RSRC1: variants seen among roughly 807,000 people sequenced by gnomAD.
RSRC1 encodes the protein arginine and serine rich coiled-coil 1, also known as serine/Arginine-related protein 53.
In RSRC1, 39 loss-of-function variants were observed where a neutral mutation model predicts 49.1. The observed-to-expected ratio is 0.79, with a 90% CI of 0.61 to 1.04. RSRC1 has a LOEUF of 1.04. RSRC1 is among the 50% of genes least tolerant of loss of function. The pLI, the probability that RSRC1 is intolerant of heterozygous loss-of-function variation, is 0.00. For missense variants in RSRC1, 388 were observed against 402.4 expected (o/e 0.96, Z 0.31); for synonymous variants, 143 against 130.8 (o/e 1.09, Z -0.63).
intron 6 of RSRC1, among the ~76,000 whole-genome samples, chr3:158,386,228 C>G (rs977661239): frequency 6.6e-6 from 1 of 151,778 alleles, no homozygotes; most frequent in Admixed American, 6.6e-5. Context: ...ATCATCTTTC[C>G]CTTTTAAGGT....
At chr3:158,316,326 G>A (rs1439179821) in intron 5 of RSRC1, among the ~76,000 whole-genome samples, 1 of 152,012 alleles carries the variant, frequency 6.6e-6, no homozygotes, top group African/African-American at 2.4e-5. Context: ...GAAAGAGTTA[G>A]TGTAGCTCTG....
At chr3:158,243,341 C>T (rs938845121) in intron 4 of RSRC1, among the ~76,000 whole-genome samples, 2 of 152,104 alleles carry the variant, frequency 1.3e-5, no homozygotes, top group Non-Finnish European at 2.9e-5. Flanking sequence ...TCAGGTTTGT[C>T]AGAGATCAGA....
chr3:158,380,044 T>A (rs1732618811), intron 6 of RSRC1, among the ~76,000 whole-genome samples: 2 of 152,154 alleles, frequency 1.3e-5, no homozygotes, highest in Admixed American at 6.5e-5. Context: ...CGTTTTCTGG[T>A]CAGATATATG....
intron 1 of RSRC1, among the ~76,000 whole-genome samples, chr3:158,119,620 G>A (rs1438116244): frequency 6.6e-6 from 1 of 151,668 alleles, no homozygotes; most frequent in African/African-American, 2.4e-5. Context: ...GTATATGTGT[G>A]TGTGTATAAT....
intron 4 of RSRC1, among the ~76,000 whole-genome samples, chr3:158,247,787 G>A (rs112248139): frequency 1.1e-3 from 166 of 152,172 alleles, no homozygotes; most frequent in Non-Finnish European, 1.8e-3. Flanking sequence ...ATCCTAGGGC[G>A]GCACTGACCT....
intron 7 of RSRC1, among the ~76,000 whole-genome samples, chr3:158,494,498 A>C (rs1267092584): frequency 1.3e-5 from 2 of 152,230 alleles, no homozygotes; most frequent in East Asian, 3.8e-4. Flanking sequence ...CTAAGTGTAT[A>C]GAAAGCATTT....
intron 4 of RSRC1, among the ~76,000 whole-genome samples, chr3:158,237,835 A>G (rs1451275859): frequency 2.0e-5 from 3 of 152,126 alleles, no homozygotes; most frequent in Non-Finnish European, 4.4e-5. Context: ...AGAACTTCCA[A>G]CACTATGTTG....
At chr3:158,531,921 A>G (rs1161093551) in intron 7 of RSRC1, among the ~76,000 whole-genome samples, 2 of 151,850 alleles carry the variant, frequency 1.3e-5, no homozygotes, top group Non-Finnish European at 2.9e-5. Flanking sequence ...CAGCTTTACC[A>G]TACAAACATA....
chr3:158,541,109 C>A (rs973981320), intron 8 of RSRC1, among the ~76,000 whole-genome samples: 5 of 152,296 alleles, frequency 3.3e-5, no homozygotes, highest in Non-Finnish European at 7.4e-5. Context: ...TCACTATACA[C>A]CAGCCCCTCT....
intron 7 of RSRC1, among the ~76,000 whole-genome samples, chr3:158,534,105 T>C (rs1476334571): frequency 6.6e-6 from 1 of 151,530 alleles, no homozygotes; most frequent in Non-Finnish European, 1.5e-5. Flanking sequence ...CTTGCAAGCA[T>C]TTCATTCTCA....
chr3:158,122,677 C>G (rs1168198380), intron 2 of RSRC1, among the ~76,000 whole-genome samples: 2 of 152,058 alleles, frequency 1.3e-5, no homozygotes, highest in Non-Finnish European at 2.9e-5. Flanking sequence ...TGTGCTGCAT[C>G]TGTTAACTCG....
chr3:158,529,102 C>A (rs1712223171), intron 7 of RSRC1, among the ~76,000 whole-genome samples: 1 of 150,700 alleles, frequency 6.6e-6, no homozygotes, highest in Admixed American at 6.6e-5. Context: ...TTAAAAATTT[C>A]AAATGTGAAA....
At chr3:158,543,900 T>C (rs1329408847) in intron 9 of RSRC1, among the ~76,000 whole-genome samples, 1 of 152,210 alleles carries the variant, frequency 6.6e-6, no homozygotes, top group African/African-American at 2.4e-5. Context: ...TGAAATGTTG[T>C]AATTCTGCTG....
chr3:158,278,564 T>C (rs1725949388), intron 4 of RSRC1, among the ~76,000 whole-genome samples: 1 of 152,218 alleles, frequency 6.6e-6, no homozygotes, highest in South Asian at 2.1e-4. Flanking sequence ...TGTGGACTCA[T>C]GAAAAACCAA....
chr3:158,507,388 A>C (rs1217886358), intron 7 of RSRC1, among the ~76,000 whole-genome samples: 1 of 152,176 alleles, frequency 6.6e-6, no homozygotes, highest in South Asian at 2.1e-4. Flanking sequence ...GAAGAATTCT[A>C]ATGTTCCCAA....
intron 4 of RSRC1, among the ~76,000 whole-genome samples, chr3:158,231,303 T>G (rs1221109913): frequency 6.6e-6 from 1 of 151,708 alleles, no homozygotes; most frequent in Non-Finnish European, 1.5e-5. Flanking sequence ...ACCCGTCTAA[T>G]TTTTGTATTT....
chr3:158,376,264 T>C (rs1732368501), intron 6 of RSRC1, among the ~76,000 whole-genome samples: 1 of 146,830 alleles, frequency 6.8e-6, no homozygotes, highest in Non-Finnish European at 1.5e-5. Context: ...CAATATTGGC[T>C]CACTGCAGCC....
chr3:158,254,893 C>T (rs1185286867), intron 4 of RSRC1, among the ~76,000 whole-genome samples: 6 of 152,114 alleles, frequency 3.9e-5, no homozygotes, highest in African/African-American at 1.4e-4. Flanking sequence ...TTCATATCCT[C>T]TACCCACTTT....
At position 158,335,900 on chromosome 3, in the gene RSRC1, G is replaced by A. The variant is rs372918054; in HGVS notation, c.532-18957G>A. Among the ~76,000 whole-genome samples, 130 of 152,256 alleles carry A rather than the reference G, an allele frequency of 8.5e-4. 2 individuals are homozygous for A. The South Asian group carries it at 0.011, about 13-fold the overall frequency. On this transcript the variant is annotated intron_variant, in intron 5 of 9. Coordinates refer to ENST00000611884, the MANE Select transcript of RSRC1 (RefSeq NM_001271838.2). ...CTTTTGATACCTTTGGAAGGGTCTT[G>A]GGAGTTATTGGGCAATGATAGTAGA...
Sources: gnomAD v4.1 joint callset for allele counts (sites outside exome capture counted in the v4.1 genomes callset) on GRCh38, gnomAD v4.1.1 for gene constraint, MANE v1.5 for transcripts, NCBI Gene and HGNC (gene_info 2026-07-23, HGNC 2026-07-21) for gene names.